SMARCA1: variants seen among roughly 807,000 people sequenced by gnomAD.
SMARCA1 encodes the protein SNF2 related chromatin remodeling ATPase 1.
A neutral mutation model predicts 93.6 loss-of-function variants in SMARCA1; 17 were observed. That is an observed-to-expected ratio of 0.18 (90% confidence interval 0.12 to 0.27). SMARCA1 has a LOEUF of 0.27. Ranked by LOEUF, SMARCA1 falls within the 10% of genes least tolerant of loss-of-function variation. The pLI is 1.00. For synonymous variants in SMARCA1, 271 were observed against 271.4 expected, an observed-to-expected ratio of 1.00 and a Z score of 0.01; for missense variants, 630 against 819.0, an observed-to-expected ratio of 0.77 and a Z score of 2.82.
At chrX:129,461,932 AT>A (rs1932812880) in intron 23 of SMARCA1, among the ~76,000 whole-genome samples, 1 of 111,687 alleles carries the variant, frequency 9.0e-6, no homozygotes, top group Non-Finnish European at 1.9e-5. Context: ...TATAGCTAGC[AT>A]TTTTTAATGA....
chrX:129,497,798 C>A, intron 11 of SMARCA1, 47 bp downstream of exon 11: 1 of 823,080 alleles, frequency 1.2e-6, no homozygotes, highest in Admixed American at 2.3e-5. Context: ...ATATACAAGT[C>A]ATTAATATAA....
intron 11 of SMARCA1, 147 bp from the exon 12 acceptor site, chrX:129,497,018 CA>C (rs1226631601): frequency 1.7e-4 from 73 of 421,189 alleles, no homozygotes; most frequent in East Asian, 9.8e-4. Context: ...CACACACACA[CA>C]CACCCCCACA....
At chrX:129,513,967 T>G (rs965023823) in intron 5 of SMARCA1, among the ~76,000 whole-genome samples, 1 of 112,433 alleles carries the variant, frequency 8.9e-6, no homozygotes, top group Non-Finnish European at 1.9e-5. Flanking sequence ...TGAGTATCAT[T>G]GAGTTATATG....
rs1470815827 is a variant in SMARCA1, at chrX:129,511,815, T to G, written c.799A>C (p.Lys267Gln). The change falls in exon 6 of 25, where the codon AAG becomes CAG. Residue 267 changes from lysine (K) to glutamine (Q), a missense_variant. Physicochemically the swap from Lys to Gln is moderately conservative, Grantham distance 53. This residue lies in a region of SMARCA1 where 382 missense variants were observed against 537.9 expected (regional missense o/e 0.71). Coordinates refer to ENST00000371121, the MANE Select transcript of SMARCA1 (RefSeq NM_001282874.2). The part of the protein sequence containing the change: ...SLRVICFVGD[K>Q]DARAAFIRDE... ...TGTTTCTCACTTACTCTGGCATCCT[T>G]GTCTCCGACAAAACAAATGACACGG... is the stretch of plus-strand genomic sequence containing the variant. 8.4e-7 allele frequency: 1 copy of G among 1,195,235 alleles called. No homozygotes were observed. Among genetic ancestry groups the G allele is most frequent in the South Asian group, 1.9e-5 (1 of 53,607 alleles).
intron 1 of SMARCA1, among the ~76,000 whole-genome samples, chrX:129,522,681 T>C (rs974247623): frequency 6.3e-5 from 7 of 111,325 alleles, no homozygotes; most frequent in Non-Finnish European, 1.3e-4. Context: ...CCTGTCACCC[T>C]CCACCCAGCA....
chrX:129,507,834 G>A, intron 7 of SMARCA1, 107 bp downstream of exon 7: 4 of 520,031 alleles, frequency 7.7e-6, no homozygotes, highest in Non-Finnish European at 1.2e-5. Context: ...TTACAGGCGT[G>A]AGCCACCACA....
intron 5 of SMARCA1, among the ~76,000 whole-genome samples, chrX:129,513,558 A>AAGTATATATTATATATATTTATAT (rs1935088846): frequency 1.9e-5 from 2 of 105,635 alleles, no homozygotes; most frequent in Non-Finnish European, 1.9e-5. Flanking sequence ...TAAAAAAAGT[A>AAGTATATATTATATATATTTATAT]AGTATATATT....
At chrX:129,462,412 G>A (rs1306181161) in intron 23 of SMARCA1, among the ~76,000 whole-genome samples, 2 of 111,579 alleles carry the variant, frequency 1.8e-5, no homozygotes, top group Non-Finnish European at 3.8e-5. Flanking sequence ...AAATGAAAGG[G>A]GGAAAGAAGA....
intron 7 of SMARCA1, among the ~76,000 whole-genome samples, chrX:129,507,617 G>A (rs1224266762): frequency 8.9e-6 from 1 of 112,307 alleles, no homozygotes; most frequent in African/African-American, 3.2e-5. Flanking sequence ...GCAGGGGTGC[G>A]ATCTCGGCTC....
intron 23 of SMARCA1, among the ~76,000 whole-genome samples, chrX:129,460,577 G>A (rs756657319): frequency 3.8e-4 from 42 of 110,765 alleles, no homozygotes; most frequent in Non-Finnish European, 7.2e-4. Context: ...CTTGAACCTG[G>A]GAGGCGGAGG....
At chrX:129,492,352 T>C (rs1219411360) in intron 13 of SMARCA1, among the ~76,000 whole-genome samples, 2 of 111,593 alleles carry the variant, frequency 1.8e-5, no homozygotes, top group African/African-American at 6.5e-5. Flanking sequence ...AAAGCTTACA[T>C]CGATAGATAC....
At chrX:129,504,584 AAG>A in intron 9 of SMARCA1, 148 bp downstream of exon 9, 2 of 312,799 alleles carry the variant, frequency 6.4e-6, no homozygotes, top group Non-Finnish European at 5.7e-6. Flanking sequence ...AAAAAAAACA[AAG>A]AGGCTGTCAG....
intron 1 of SMARCA1, among the ~76,000 whole-genome samples, chrX:129,520,138 C>CGTGTGTGTGTGT (rs374631579): frequency 5.5e-4 from 53 of 96,738 alleles, no homozygotes; most frequent in Middle Eastern, 5.2e-3. Context: ...AACCTTCTCT[C>CGTGTGTGTGTGT]GTGTGTGTGT....
At position 129,446,997 on chromosome X, in the gene SMARCA1, A is replaced by G. The variant is rs1210978657; in HGVS notation, c.*165T>C. 2.3e-6 allele frequency: 1 copy of G among 430,415 alleles called. No homozygotes were observed. The allele number at this position is 430,415 out of a possible 1,213,427, so 35.5% of individuals were successfully genotyped here. On this transcript the variant is annotated 3_prime_UTR_variant, in exon 25 of 25. Coordinates refer to ENST00000371121, the MANE Select transcript of SMARCA1 (RefSeq NM_001282874.2). ...CTAGAATGCCATAAAATATAAAGCT[A>G]CACATTTCAGGTAGAAAGCATTGTA...
rs751507563 is a variant in SMARCA1, at chrX:129,510,923, T to G, written c.810+881A>C. On this transcript the variant is annotated intron_variant, in intron 6 of 24. Coordinates refer to ENST00000371121, the MANE Select transcript of SMARCA1 (RefSeq NM_001282874.2). ...TATTTGTAAGTTAAATTTAAATAAA[T>G]TTAAGTAATTTTTCTTCAAGCAAAA... Among the ~76,000 whole-genome samples, 4 of 111,220 alleles carry G rather than the reference T, an allele frequency of 3.6e-5. No homozygotes were observed. The East Asian group carries it at 1.1e-3, about 31-fold the overall frequency.
intron 17 of SMARCA1, among the ~76,000 whole-genome samples, chrX:129,486,225 C>T (rs1933877811): frequency 9.3e-6 from 1 of 107,940 alleles, no homozygotes; most frequent in Admixed American, 1.0e-4. Context: ...GATAATTAAC[C>T]AATGTCCTTT....
intron 17 of SMARCA1, among the ~76,000 whole-genome samples, 160 bp from the exon 18 acceptor site, chrX:129,481,345 A>G (rs1197852139): frequency 8.9e-6 from 1 of 112,584 alleles, no homozygotes; most frequent in Non-Finnish European, 1.9e-5. Flanking sequence ...GTTCCAAAAC[A>G]TAGTGGTACA....
At chrX:129,473,251 G>A (rs1360271363) in intron 19 of SMARCA1, among the ~76,000 whole-genome samples, 2 of 111,324 alleles carry the variant, frequency 1.8e-5, no homozygotes, top group African/African-American at 6.5e-5. Context: ...GTGGGGCAGC[G>A]ACTAACAGGT....
chrX:129,514,432 TC>T (rs1377059383), intron 5 of SMARCA1, among the ~76,000 whole-genome samples: 2 of 112,824 alleles, frequency 1.8e-5, no homozygotes, highest in African/African-American at 6.4e-5. Flanking sequence ...TTCACTGATT[TC>T]CAAAGCCCCA....
Sources: gnomAD v4.1 joint callset for allele counts (sites outside exome capture counted in the v4.1 genomes callset) on GRCh38, gnomAD v4.1.1 for gene constraint, gnomAD v4.1.1 regional missense constraint, MANE v1.5 for transcripts, NCBI Gene and HGNC (gene_info 2026-07-23, HGNC 2026-07-21) for gene names.